Variants in KNL1 observed in about 807,000 individuals in gnomAD.
KNL1 encodes kinetochore scaffold 1, also known as outer kinetochore KNL1 complex subunit KNL1.
A neutral mutation model predicts 201.3 loss-of-function variants in KNL1; 66 were observed. That is an observed-to-expected ratio of 0.33 (90% CI 0.27 to 0.40). KNL1 has a LOEUF of 0.40. Among genes scored for constraint, KNL1 ranks in the 10% least tolerant of loss-of-function variants. KNL1 has a pLI of 1.00. For synonymous variants in KNL1, 895 were observed against 899.2 expected (o/e 1.00, Z 0.08); for missense variants, 2,815 against 2,690.5 (o/e 1.05, Z -1.02).
In KNL1 at chr15:40,624,175, G is replaced by A. The variant is rs1361708451; in HGVS notation, c.3911G>A (p.Cys1304Tyr). The change falls in exon 10 of 26, where the codon TGT (cysteine) becomes TAT (tyrosine). Residue 1304 changes from cysteine to tyrosine, a missense_variant. Cys to Tyr is a radical substitution (Grantham distance 194). Coordinates refer to ENST00000399668, the MANE Select transcript of KNL1 (RefSeq NM_144508.5). The part of the protein sequence containing the change: ...AVCGSSDNYS[C>Y]LPNVISCTDN... ...TGTGGATCCAGTGATAATTATTCCT[G>A]TTTACCAAATGTTATTTCCTGTACT... is the stretch of plus-strand genomic sequence containing the variant. 1 of 1,613,972 alleles carries A rather than the reference G, an allele frequency of 6.2e-7. No homozygotes were observed. The highest frequency in any genetic ancestry group is 1.3e-5 in the African/African-American group (1 of 75,046).
In KNL1 at chr15:40,624,517, C is replaced by G; in HGVS notation, c.4253C>G (p.Ser1418Ter). ...QDLGEMTKLNSKRVSFKLPKD... is the reference protein window; with the variant it reads ...QDLGEMTKLN ...CTGGGGGAGATGACTAAACTTAATT[C>G]AAAGCGAGTATCTTTTAAGCTTCCA... Residue 1418 changes from serine to a stop codon, truncating the protein, a stop_gained, in exon 10 of 26, where the codon TCA becomes TGA. Coordinates refer to ENST00000399668, the MANE Select transcript of KNL1 (RefSeq NM_144508.5). LOFTEE classifies it high-confidence loss of function. 6.2e-7 allele frequency: 1 copy of G among 1,613,614 alleles called. No individual in the cohort carries two copies.
chr15:40,623,263 C>T lies in KNL1; in HGVS notation c.2999C>T (p.Pro1000Leu), dbSNP rs1892610018. The T allele has an allele frequency of 1.2e-6, 2 of 1,613,846 alleles. No homozygotes were observed. The highest frequency in any genetic ancestry group is 1.3e-5 in the African/African-American group (1 of 75,006). The part of the protein sequence containing the change: ...CTPTEESVFF[P>L]GNGESDRLVA... ...CCTACTGAGGAGAGTGTTTTCTTTC[C>T]AGGAAATGGTGAAAGTGACCGTCTA... The change falls in exon 10 of 26, where the codon CCA becomes CTA. Residue 1000 changes from proline to leucine, a missense_variant. This residue lies in a region of KNL1 where 2,464 missense variants were observed against 2,291.7 expected (regional missense o/e 1.08). Transcript: ENST00000399668.
Position 40,623,919 on chromosome 15 carries a change from G to A in KNL1, c.3655G>A (p.Val1219Ile), listed in dbSNP as rs1391686161. ...AATCGCTGAAAAACAAGCACTGGCT[G>A]TAGGAAACAAAATAGTTCTTCACAC... is the stretch of plus-strand genomic sequence containing the variant. ...QEIAEKQALA[V>I]GNKIVLHTEQ... The change falls in exon 10 of 26, where the codon GTA (valine) becomes ATA (isoleucine). Residue 1219 changes from valine to isoleucine, a missense_variant. Val to Ile is a conservative substitution (Grantham distance 29). Around this residue, in one of 3 missense-constraint regions of KNL1, gnomAD observed 2,464 missense variants for 2,291.7 expected, o/e 1.08. Coordinates refer to ENST00000399668, the MANE Select transcript of KNL1 (RefSeq NM_144508.5). 3 of 1,613,322 alleles carry A rather than the reference G, an allele frequency of 1.9e-6. No individual in the cohort carries two copies. The highest frequency in any genetic ancestry group is 1.1e-5 in the South Asian group (1 of 91,072).
chr15:40,623,585 C>T lies in KNL1; in HGVS notation c.3321C>T (p.Asp1107=), dbSNP rs758322391. ...DNESALEDKE[D]FHLAGASKTI... is the part of the protein sequence containing the mutation. ...AAAGTGCCCTGGAGGATAAAGAGGA[C>T]TTCCATTTGGCAGGGGCTTCTAAAA... is the stretch of plus-strand genomic sequence containing the variant. The change falls in exon 10 of 26, where the codon GAC becomes GAT. Residue 1107 remains aspartate (D), a synonymous_variant. Coordinates refer to ENST00000399668, the MANE Select transcript of KNL1 (RefSeq NM_144508.5). 3 of 1,613,620 alleles carry T rather than the reference C, an allele frequency of 1.9e-6. No individual in the cohort carries two copies. The highest frequency in any genetic ancestry group is 1.7e-6 in the Non-Finnish European group (2 of 1,179,906).
chr15:40,632,903 A>C (rs1169748220), intron 13 of KNL1, among the ~76,000 whole-genome samples: 1 of 152,126 alleles, frequency 6.6e-6, no homozygotes, highest in Non-Finnish European at 1.5e-5. Context: ...CTATTTAAAT[A>C]AATAAATAAA....
At chr15:40,603,017 A>G in intron 2 of KNL1, 51 bp downstream of exon 2, 1 of 1,210,860 alleles carries the variant, frequency 8.3e-7, no homozygotes, top group Non-Finnish European at 1.2e-6. Context: ...AGAGAAAGAT[A>G]TTTTTCTAAT....
At chr15:40,613,171 A>G (rs1397425023) in intron 7 of KNL1, among the ~76,000 whole-genome samples, 1 of 152,222 alleles carries the variant, frequency 6.6e-6, no homozygotes, top group African/African-American at 2.4e-5. Context: ...TCTCTAAGCT[A>G]TATTACTTAA....
intron 5 of KNL1, among the ~76,000 whole-genome samples, chr15:40,609,132 G>A (rs2141704589): frequency 6.6e-6 from 1 of 151,904 alleles, no homozygotes; most frequent in East Asian, 1.9e-4. Context: ...TAGGGGCCGG[G>A]TGTGCTGGCT....
intron 4 of KNL1, 137 bp from the exon 5 acceptor site, chr15:40,608,710 A>G (rs1372720148): frequency 1.2e-5 from 7 of 568,892 alleles, no homozygotes; most frequent in East Asian, 6.0e-5. Flanking sequence ...ACACCGTTGC[A>G]CTCCAGTCTG....
chr15:40,656,821 G>C (rs943348114), intron 22 of KNL1, among the ~76,000 whole-genome samples: 2 of 152,072 alleles, frequency 1.3e-5, no homozygotes, highest in Non-Finnish European at 2.9e-5. Context: ...GGAAGGCAGA[G>C]GTTGCAGTGA....
At chr15:40,612,642 G>A (rs1468520725) in intron 7 of KNL1, among the ~76,000 whole-genome samples, 1 of 151,658 alleles carries the variant, frequency 6.6e-6, no homozygotes, top group African/African-American at 2.4e-5. Context: ...TCAGCCTCCC[G>A]AGTAGCTGGG....
intron 17 of KNL1, 125 bp downstream of exon 17, chr15:40,647,199 G>A (rs1893415642): frequency 1.5e-5 from 9 of 591,726 alleles, no homozygotes; most frequent in Admixed American, 2.9e-5. Flanking sequence ...TTAAATTAGA[G>A]TAAATTGGCT....
chr15:40,602,303 A>AT (rs34302606), intron 1 of KNL1, among the ~76,000 whole-genome samples: 10,607 of 108,638 alleles, frequency 0.098, 1,377 homozygotes, highest in African/African-American at 0.29. Flanking sequence ...AAAGTGCTGT[A>AT]TTTTTTTTTT....
In KNL1 at chr15:40,650,382, A is replaced by G. The variant is rs1232322889; in HGVS notation, c.6172+4A>G. ...GAAATGAGAGCTGCAGAAAAAGGTA[A>G]TTGAATTAGTTAAGGAGATAAATGG... On this transcript the variant is annotated splice_donor_region_variant and intron_variant, in intron 18 of 25. Coordinates refer to ENST00000399668, the MANE Select transcript of KNL1 (RefSeq NM_144508.5). 6.2e-7 allele frequency: 1 copy of G among 1,609,286 alleles called. No individual in the cohort carries two copies. Among genetic ancestry groups the G allele is most frequent in the Non-Finnish European group, 8.5e-7 (1 of 1,175,870 alleles).
chr15:40,638,653 G>A lies in KNL1; in HGVS notation c.5683-2259G>A, dbSNP rs568971305. On this transcript the variant is annotated intron_variant, in intron 13 of 25. Transcript: ENST00000399668. ...ATTACGGGTGCCCACCACCACGCCCGGCTAATTTTTGTATTTTTTAGTAGA... is the reference window on the plus strand; with the variant it reads ...ATTACGGGTGCCCACCACCACGCCCAGCTAATTTTTGTATTTTTTAGTAGA... Among the ~76,000 whole-genome samples, 160 of 151,832 alleles carry A rather than the reference G, an allele frequency of 1.1e-3. 2 individuals carry two copies. Among genetic ancestry groups the A allele is most frequent in the African/African-American group, 3.7e-3 (153 of 41,424 alleles).
chr15:40,602,480 CTTTTT>C (rs34192317), intron 1 of KNL1, among the ~76,000 whole-genome samples: 3 of 79,128 alleles, frequency 3.8e-5, no homozygotes, highest in African/African-American at 5.0e-5. Context: ...TTTTTCCTTC[CTTTTT>C]TTTTTTTTTT....
Position 40,624,188 on chromosome 15 carries a change from T to A in KNL1, c.3924T>A (p.Val1308=). 6.2e-7 allele frequency: 1 copy of A among 1,613,954 alleles called. No homozygotes were observed. Among genetic ancestry groups the A allele is most frequent in the Non-Finnish European group, 8.5e-7 (1 of 1,179,930 alleles). ...ATAATTATTCCTGTTTACCAAATGT[T>A]ATTTCCTGTACTGATAATTTGGAGG... ...SSDNYSCLPN[V]ISCTDNLEGS... The change falls in exon 10 of 26, where the codon GTT becomes GTA. Residue 1308 remains valine (V), a synonymous_variant. Coordinates refer to ENST00000399668, the MANE Select transcript of KNL1 (RefSeq NM_144508.5).
chr15:40,599,132 C>G (rs1179875036), intron 1 of KNL1, among the ~76,000 whole-genome samples: 3 of 150,814 alleles, frequency 2.0e-5, no homozygotes, highest in African/African-American at 7.3e-5. Context: ...TTTTTTTAAA[C>G]AACTATAGCT....
In KNL1 at chr15:40,621,706, A is replaced by T. The variant is rs759161231; in HGVS notation, c.1442A>T (p.Glu481Val). 6.2e-7 allele frequency: 1 copy of T among 1,611,950 alleles called. No individual in the cohort carries two copies. Residue 481 changes from glutamate (E) to valine (V), a missense_variant, in exon 10 of 26, where the codon GAG becomes GTG. Glu to Val is a moderately radical substitution (Grantham distance 121). Transcript: ENST00000399668. ...SLTEKTIYSGEENMDITKSHT... is the reference protein window; with the variant it reads ...SLTEKTIYSGVENMDITKSHT... The stretch of plus-strand genomic sequence containing the variant: ...ACAGAGAAAACTATTTATTCCGGAG[A>T]GGAGAACATGGACATTACCAAGAGT...
Sources: gnomAD v4.1 joint callset for allele counts (sites outside exome capture counted in the v4.1 genomes callset) on GRCh38, gnomAD v4.1.1 for gene constraint, gnomAD v4.1.1 regional missense constraint, MANE v1.5 for transcripts, NCBI Gene and HGNC (gene_info 2026-07-23, HGNC 2026-07-21) for gene names.